Variants in SLC39A9 observed in about 807,000 individuals in gnomAD.
SLC39A9 encodes the protein zinc transporter ZIP9.
A neutral mutation model predicts 28.4 loss-of-function variants in SLC39A9; 14 were observed. The observed-to-expected ratio is 0.49, with a 90% CI of 0.33 to 0.77. The LOEUF (loss-of-function observed/expected upper bound fraction) is 0.77, where lower values mean the gene tolerates loss of function less well. SLC39A9 is among the 30% of genes least tolerant of loss of function. The pLI is 0.02. For synonymous variants in SLC39A9, 119 were observed against 149.6 expected (o/e 0.80, Z 1.49); for missense variants, 283 against 381.1 (o/e 0.74, Z 2.14).
At chr14:69,436,259 C>G (rs1478605855) in intron 2 of SLC39A9, among the ~76,000 whole-genome samples, 1 of 151,974 alleles carries the variant, frequency 6.6e-6, no homozygotes, top group Admixed American at 6.6e-5. Flanking sequence ...AATTATTTTT[C>G]CAAAAGTATG....
intron 3 of SLC39A9, among the ~76,000 whole-genome samples, chr14:69,451,293 A>G (rs1885598957): frequency 6.6e-6 from 1 of 152,152 alleles, no homozygotes. Context: ...TTCCTTTTGT[A>G]TGCTGGACTC....
chr14:69,401,072 G>C (rs1882606585), intron 1 of SLC39A9, among the ~76,000 whole-genome samples: 1 of 152,084 alleles, frequency 6.6e-6, no homozygotes, highest in Non-Finnish European at 1.5e-5. Context: ...AATCAGAAGA[G>C]AGGTATTTTT....
intron 1 of SLC39A9, among the ~76,000 whole-genome samples, chr14:69,422,815 C>T (rs1159612854): frequency 6.6e-6 from 1 of 152,184 alleles, no homozygotes; most frequent in Non-Finnish European, 1.5e-5. Flanking sequence ...AACTCCTGAC[C>T]TCAGGTGATC....
Position 69,461,804 on chromosome 14 carries a change from A to C in SLC39A9, c.*3211A>C. The C allele has an allele frequency of 6.8e-7, 1 of 1,480,024 alleles. No homozygotes were observed. The highest frequency in any genetic ancestry group is 9.1e-7 in the Non-Finnish European group (1 of 1,104,570). The allele number at this position is 1,480,024 out of a possible 1,614,324, so 91.7% of individuals were successfully genotyped here. A position where few individuals can be genotyped will look rare whatever the true frequency, so the allele number is the denominator to read the frequency against. On this transcript the variant is annotated 3_prime_UTR_variant, in exon 7 of 7. Coordinates refer to ENST00000336643, the MANE Select transcript of SLC39A9 (RefSeq NM_018375.5). ...CGTATGACAGCAGCACAAACCCCCA[A>C]AGGATGTTCCTGCCTTGTGGGCCCC...
chr14:69,408,991 TTGAA>T (rs1159577936), intron 1 of SLC39A9, among the ~76,000 whole-genome samples: 1 of 152,190 alleles, frequency 6.6e-6, no homozygotes, highest in Non-Finnish European at 1.5e-5. Flanking sequence ...AACAGTAACC[TTGAA>T]AGGGAAGAAT....
intron 3 of SLC39A9, among the ~76,000 whole-genome samples, chr14:69,446,506 C>T (rs1885310867): frequency 6.6e-6 from 1 of 151,788 alleles, no homozygotes; most frequent in Non-Finnish European, 1.5e-5. Context: ...TAAAAGGGTT[C>T]CCACTGGCCA....
Position 69,431,595 on chromosome 14 carries a change from G to A in SLC39A9, c.205+7393G>A, listed in dbSNP as rs567039236. Among the ~76,000 whole-genome samples the A allele has an allele frequency of 3.3e-5, 5 of 150,996 alleles. No individual in the cohort carries two copies. In the South Asian group the frequency reaches 8.4e-4, roughly 25 times the overall value. On this transcript the variant is annotated intron_variant, in intron 2 of 6. Coordinates refer to ENST00000336643, the MANE Select transcript of SLC39A9 (RefSeq NM_018375.5). Reference sequence around the variant, plus strand: ...TTCAACTTTTATTTTAGATTCAGGGGGTACATGTACAGGTTTGTTACCTGG... The same window carrying A: ...TTCAACTTTTATTTTAGATTCAGGGAGTACATGTACAGGTTTGTTACCTGG...
chr14:69,460,529 A>G lies in SLC39A9; in HGVS notation c.*1936A>G. The stretch of plus-strand genomic sequence containing the variant: ...TTCTCTCTGGAAACTGACTTTGTCA[A>G]ATAAATAGCAGATTGTAGTGTCTGG... On this transcript the variant is annotated 3_prime_UTR_variant, in exon 7 of 7. Coordinates refer to ENST00000336643, the MANE Select transcript of SLC39A9 (RefSeq NM_018375.5). 1.0e-6 allele frequency: 1 copy of G among 985,286 alleles called. No individual in the cohort carries two copies. Among genetic ancestry groups the G allele is most frequent in the Non-Finnish European group, 1.2e-6 (1 of 829,880 alleles). The allele number at this position is 985,286 out of a possible 1,614,324, so 61.0% of individuals were successfully genotyped here.
At chr14:69,440,530 A>G (rs2139423875) in intron 2 of SLC39A9, among the ~76,000 whole-genome samples, 1 of 152,266 alleles carries the variant, frequency 6.6e-6, no homozygotes, top group East Asian at 1.9e-4. Context: ...GGTTACTGTA[A>G]GCTGAGATTG....
chr14:69,411,944 A>ACCTG (rs1883289299), intron 1 of SLC39A9, among the ~76,000 whole-genome samples: 7 of 151,536 alleles, frequency 4.6e-5, no homozygotes, highest in Admixed American at 4.6e-4. Context: ...CACCATGCCC[A>ACCTG]GCTCATTTTT....
At chr14:69,401,461 A>G (rs903097379) in intron 1 of SLC39A9, among the ~76,000 whole-genome samples, 17 of 152,222 alleles carry the variant, frequency 1.1e-4, no homozygotes, top group Admixed American at 1.1e-3. Context: ...ATTTTTAAAC[A>G]TATTGAAGTA....
chr14:69,400,837 T>G (rs1251839725), intron 1 of SLC39A9, among the ~76,000 whole-genome samples: 1 of 151,998 alleles, frequency 6.6e-6, no homozygotes, highest in Non-Finnish European at 1.5e-5. Flanking sequence ...TTTTAAAAAA[T>G]TACGTGCATT....
At chr14:69,441,734 G>A in intron 2 of SLC39A9, 1 of 944,028 alleles carries the variant, frequency 1.1e-6, no homozygotes, top group South Asian at 4.4e-5. Context: ...TTTCTGGTGA[G>A]ATTGGCATGA....
In SLC39A9 at chr14:69,426,095, C is replaced by T. The variant is rs1047497558; in HGVS notation, c.205+1893C>T. Among the ~76,000 whole-genome samples the T allele has an allele frequency of 5.3e-5, 8 of 152,302 alleles. No individual in the cohort carries two copies. In the South Asian group the frequency reaches 6.2e-4, roughly 12 times the overall value. ...AAACACAGAAGAAAAACTTCTGTAA[C>T]CAGATGCGTGGCAATATCTCCCCAC... On this transcript the variant is annotated intron_variant, in intron 2 of 6. Coordinates refer to ENST00000336643, the MANE Select transcript of SLC39A9 (RefSeq NM_018375.5).
At chr14:69,437,009 AG>A (rs1188325746) in intron 2 of SLC39A9, among the ~76,000 whole-genome samples, 3 of 152,108 alleles carry the variant, frequency 2.0e-5, no homozygotes, top group African/African-American at 7.2e-5. Context: ...CTGGGACTAC[AG>A]GTGCCTGCCA....
intron 3 of SLC39A9, among the ~76,000 whole-genome samples, chr14:69,445,571 T>C (rs1436822790): frequency 6.6e-6 from 1 of 152,224 alleles, no homozygotes; most frequent in African/African-American, 2.4e-5. Context: ...AAAAGTTGTA[T>C]GTGGATTTTT....
At position 69,446,542 on chromosome 14, in the gene SLC39A9, A is replaced by G. The variant is rs530033332; in HGVS notation, c.403+4276A>G. ...CATGTGGGATAAGTTGAGCACCAAC[A>G]TAATTAAGAACAGTAATAAAGCATA... On this transcript the variant is annotated intron_variant, in intron 3 of 6. Coordinates refer to ENST00000336643, the MANE Select transcript of SLC39A9 (RefSeq NM_018375.5). 2.0e-5 allele frequency among the ~76,000 whole-genome samples: 3 copies of G among 152,154 alleles called. No homozygotes were observed. The South Asian group carries it at 6.2e-4, about 32-fold the overall frequency.
intron 3 of SLC39A9, among the ~76,000 whole-genome samples, chr14:69,449,758 GAGT>G (rs1885514815): frequency 6.6e-6 from 1 of 152,200 alleles, no homozygotes; most frequent in African/African-American, 2.4e-5. Flanking sequence ...CAAGAACAGA[GAGT>G]AGCTGCAGAA....
intron 2 of SLC39A9, 27 bp downstream of exon 2, chr14:69,424,229 G>T: frequency 6.5e-7 from 1 of 1,535,030 alleles, no homozygotes; most frequent in Non-Finnish European, 9.0e-7. Flanking sequence ...CATTATTTGA[G>T]ATATGTTATT....
Sources: allele counts gnomAD v4.1 joint callset (sites outside exome capture counted in the v4.1 genomes callset), GRCh38; gene constraint gnomAD v4.1.1; transcripts MANE v1.5; gene names NCBI Gene and HGNC (gene_info 2026-07-23, HGNC 2026-07-21).